Variants in CDH13 observed in about 807,000 individuals in gnomAD.
The protein encoded by CDH13 is cadherin-13.
A neutral mutation model predicts 63.8 loss-of-function variants in CDH13; 24 were observed. The ratio of observed to expected loss-of-function variants is 0.38; its 90% confidence interval spans 0.27 to 0.53. CDH13 has a LOEUF of 0.53. Ranked by LOEUF, CDH13 falls within the 20% of genes least tolerant of loss-of-function variation. The pLI is 0.85. For synonymous variants in CDH13, 503 were observed against 355.3 expected (o/e 1.42, Z -4.67); for missense variants, 1,049 against 903.1 (o/e 1.16, Z -2.07).
At chr16:83,532,222 C>G (rs1389091090) in intron 7 of CDH13, among the ~76,000 whole-genome samples, 1 of 152,162 alleles carries the variant, frequency 6.6e-6, no homozygotes, top group Admixed American at 6.5e-5. Flanking sequence ...ATTGCCCAGT[C>G]TCAGGTATGT....
Position 82,993,475 on chromosome 16 carries a change from G to C in CDH13, c.158-38535G>C, listed in dbSNP as rs191865885. ...TAAATTGACTCCGTGAGGACTCTAG[G>C]AACTGATCTTTGACTTCCTCGCCAG... On this transcript the variant is annotated intron_variant, in intron 2 of 13. Transcript: ENST00000567109. Among the ~76,000 whole-genome samples, 8 of 152,268 alleles carry C rather than the reference G, an allele frequency of 5.3e-5. No homozygotes were observed. The East Asian group carries it at 1.5e-3, about 29-fold the overall frequency.
At chr16:83,350,655 G>A (rs1238146292) in intron 6 of CDH13, among the ~76,000 whole-genome samples, 1 of 152,092 alleles carries the variant, frequency 6.6e-6, no homozygotes, top group Non-Finnish European at 1.5e-5. Flanking sequence ...GGTGCTGCTT[G>A]TTCCCTCCTG....
intron 7 of CDH13, among the ~76,000 whole-genome samples, chr16:83,508,124 A>AGGGAGGGC (rs1252393332): frequency 1.4e-5 from 1 of 69,972 alleles, no homozygotes; most frequent in East Asian, 8.1e-4. Context: ...GAAGGAAGGG[A>AGGGAGGGC]GGAAGGAAAG....
At chr16:83,016,511 G>C (rs1456072551) in intron 2 of CDH13, among the ~76,000 whole-genome samples, 1 of 152,214 alleles carries the variant, frequency 6.6e-6, no homozygotes, top group Non-Finnish European at 1.5e-5. Flanking sequence ...CCAAAGGGCA[G>C]GTTAGGTCAG....
At chr16:83,057,603 G>C (rs1183504814) in intron 3 of CDH13, among the ~76,000 whole-genome samples, 5 of 146,282 alleles carry the variant, frequency 3.4e-5, no homozygotes, top group Non-Finnish European at 7.5e-5. Context: ...AAAAAAAAAA[G>C]GCTCACCACT....
chr16:83,339,309 A>G (rs17283335), intron 5 of CDH13, among the ~76,000 whole-genome samples: 18,283 of 152,180 alleles, frequency 0.12, 1,295 homozygotes, highest in South Asian at 0.17. Context: ...ATGCAACTGT[A>G]TTTATCATAC....
At chr16:82,691,851 C>T (rs1056038162) in intron 1 of CDH13, among the ~76,000 whole-genome samples, 5 of 152,078 alleles carry the variant, frequency 3.3e-5, no homozygotes, top group African/African-American at 1.2e-4. Flanking sequence ...GCAATATCAC[C>T]TGAGAACTTG....
At chr16:82,653,681 TG>T (rs1910984884) in intron 1 of CDH13, among the ~76,000 whole-genome samples, 1 of 152,116 alleles carries the variant, frequency 6.6e-6, no homozygotes, top group Non-Finnish European at 1.5e-5. Flanking sequence ...AAACACGATG[TG>T]CATGTCATGT....
At chr16:82,835,432 C>A (rs2038726295) in intron 1 of CDH13, among the ~76,000 whole-genome samples, 1 of 152,206 alleles carries the variant, frequency 6.6e-6, no homozygotes, top group African/African-American at 2.4e-5. Flanking sequence ...CTGGAGGGAC[C>A]ATATTCCAAG....
At position 83,284,031 on chromosome 16, in the gene CDH13, T is replaced by C. The variant is rs963905104; in HGVS notation, c.637-60831T>C. Among the ~76,000 whole-genome samples, 3 of 152,180 alleles carry C rather than the reference T, an allele frequency of 2.0e-5. No homozygotes were observed. In the South Asian group the frequency reaches 6.2e-4, roughly 32 times the overall value. ...TTACACAAGCCTAGAGCCAAACCATTCTCTGTGAGATCTGAAACCAAGCCC... is the reference window on the plus strand; with the variant it reads ...TTACACAAGCCTAGAGCCAAACCATCCTCTGTGAGATCTGAAACCAAGCCC... On this transcript the variant is annotated intron_variant, in intron 5 of 13. Transcript: ENST00000567109.
At chr16:83,028,202 T>C (rs1387054496) in intron 2 of CDH13, among the ~76,000 whole-genome samples, 1 of 152,214 alleles carries the variant, frequency 6.6e-6, no homozygotes, top group Non-Finnish European at 1.5e-5. Flanking sequence ...TTGCCTCCAG[T>C]GGATGAATAC....
At chr16:82,892,538 C>A (rs750447858) in intron 2 of CDH13, among the ~76,000 whole-genome samples, 1 of 152,108 alleles carries the variant, frequency 6.6e-6, no homozygotes, top group Non-Finnish European at 1.5e-5. Context: ...TGAGTCATGT[C>A]ACTAGATGTG....
intron 1 of CDH13, among the ~76,000 whole-genome samples, chr16:82,710,191 ATTAT>A (rs902269291): frequency 5.3e-5 from 7 of 131,680 alleles, no homozygotes; most frequent in African/African-American, 1.3e-4. Flanking sequence ...AATTAAATTT[ATTAT>A]TTATATATTA....
intron 11 of CDH13, among the ~76,000 whole-genome samples, chr16:83,768,829 T>G (rs1914574039): frequency 6.6e-6 from 1 of 152,128 alleles, no homozygotes; most frequent in Non-Finnish European, 1.5e-5. Flanking sequence ...TTGGTGGGTT[T>G]TAGCCGTCTT....
At chr16:83,675,629 C>A (rs377265222) in intron 9 of CDH13, among the ~76,000 whole-genome samples, 1 of 152,256 alleles carries the variant, frequency 6.6e-6, no homozygotes, top group East Asian at 1.9e-4. Flanking sequence ...TCATCCTGTC[C>A]GCTGATCTTT....
intron 1 of CDH13, among the ~76,000 whole-genome samples, chr16:82,762,599 C>A (rs548658333): frequency 6.9e-4 from 105 of 152,194 alleles, no homozygotes; most frequent in African/African-American, 2.4e-3. Context: ...TCTTGGTGTT[C>A]TTGGTGATGG....
In CDH13 at chr16:83,052,796, A is replaced by G. The variant is rs867557193; in HGVS notation, c.366+20578A>G. On this transcript the variant is annotated intron_variant, in intron 3 of 13. Coordinates refer to ENST00000567109, the MANE Select transcript of CDH13 (RefSeq NM_001257.5). ...TATCTCAAAAAAAAAAAAAAAAAAA[A>G]AAAAAAAAGAAAGAAATTAAACCTT... Among the ~76,000 whole-genome samples the G allele has an allele frequency of 3.3e-5, 5 of 150,872 alleles. 1 individual carries two copies. The highest frequency in any genetic ancestry group is 3.9e-4 in the East Asian group (2 of 5,174).
At position 83,795,148 on chromosome 16, in the gene CDH13, T is replaced by A. The variant is rs1170476044; in HGVS notation, c.*118T>A. On this transcript the variant is annotated 3_prime_UTR_variant, in exon 14 of 14. Transcript: ENST00000567109. The stretch of plus-strand genomic sequence containing the variant: ...ATCGAACTTCACAACTAGGCCTCAA[T>A]TGTTCCGGTTTTTTATTTTCTTTAC... The A allele has an allele frequency of 2.6e-6, 2 of 771,558 alleles. No homozygotes were observed. Among genetic ancestry groups the A allele is most frequent in the Non-Finnish European group, 4.2e-6 (2 of 477,834 alleles). 47.8% of individuals were successfully genotyped at this position (771,558 alleles called of 1,614,324 possible).
rs142953260 is a variant in CDH13, at chr16:83,650,037, G to T, written c.1102-20753G>T. On this transcript the variant is annotated intron_variant, in intron 8 of 13. Transcript: ENST00000567109. The stretch of plus-strand genomic sequence containing the variant: ...AAAATGCGGTGTTTTAATTTTCTGA[G>T]GCCCATTGAGACAGCCCCAAGGGTG... 4.2e-3 allele frequency among the ~76,000 whole-genome samples: 642 copies of T among 152,250 alleles called. 7 individuals are homozygous for T. The highest frequency in any genetic ancestry group is 0.015 in the African/African-American group (612 of 41,538).
Sources: allele counts gnomAD v4.1 joint callset (sites outside exome capture counted in the v4.1 genomes callset), GRCh38; gene constraint gnomAD v4.1.1; transcripts MANE v1.5; gene names NCBI Gene and HGNC (gene_info 2026-07-23, HGNC 2026-07-21).